The following GMEB2 variants were observed in gnomAD, a reference collection of about 807,000 sequenced individuals.
GMEB2 encodes glucocorticoid modulatory element-binding protein 2.
Under a neutral mutation model 45.7 loss-of-function variants are expected in GMEB2, and 7 were observed. That is an observed-to-expected ratio of 0.15 (90% CI 0.09 to 0.29). The LOEUF is 0.29. GMEB2 is among the 10% of genes least tolerant of loss of function. GMEB2 has a pLI of 1.00. For missense variants in GMEB2, 582 were observed against 739.2 expected (o/e 0.79, Z 2.47); for synonymous variants, 322 against 323.6 (o/e 1.00, Z 0.05).
intron 2 of GMEB2, among the ~76,000 whole-genome samples, chr20:63,609,783 C>G (rs1430924728): frequency 1.1e-5 from 1 of 92,334 alleles, no homozygotes; most frequent in African/African-American, 3.9e-5. Context: ...ACATGCCCCT[C>G]TGACCCCACC....
At position 63,590,056 on chromosome 20, in the gene GMEB2, C is replaced by G. The variant is rs748669759; in HGVS notation, c.*33G>C. Reference sequence around the variant, plus strand: ...TGCCGCGGCTGAGAGACAGCCAGCCCTGTCCGTCCCAGGGGCCTCGCCCTC... The same window carrying G: ...TGCCGCGGCTGAGAGACAGCCAGCCGTGTCCGTCCCAGGGGCCTCGCCCTC... On this transcript the variant is annotated 3_prime_UTR_variant, in exon 10 of 10. Coordinates refer to ENST00000370077, the MANE Select transcript of GMEB2 (RefSeq NM_012384.5). 3 of 1,489,418 alleles carry G rather than the reference C, an allele frequency of 2.0e-6. No individual in the cohort carries two copies. The South Asian group carries it at 4.1e-5, about 20-fold the overall frequency. 92.3% of individuals were successfully genotyped at this position (1,489,418 alleles called of 1,614,324 possible). A position where few individuals can be genotyped will look rare whatever the true frequency, so the allele number is the denominator to read the frequency against.
intron 2 of GMEB2, among the ~76,000 whole-genome samples, chr20:63,614,959 C>T (rs556954688): frequency 1.1e-4 from 17 of 152,226 alleles, no homozygotes; most frequent in African/African-American, 3.6e-4. Flanking sequence ...CCAGTCTCCG[C>T]GTCTTGGTGG....
chr20:63,600,201 C>G (rs1024766377), intron 4 of GMEB2, among the ~76,000 whole-genome samples: 1 of 151,852 alleles, frequency 6.6e-6, no homozygotes, highest in East Asian at 2.0e-4. Flanking sequence ...TGCCACCATG[C>G]CTGGCCAATT....
intron 1 of GMEB2, among the ~76,000 whole-genome samples, chr20:63,624,143 G>A (rs2089655386): frequency 1.3e-5 from 2 of 151,438 alleles, no homozygotes; most frequent in Admixed American, 6.6e-5. Context: ...TTGGCCAGGC[G>A]TGGTGGCTCA....
chr20:63,611,291 G>A (rs944079029), intron 2 of GMEB2, among the ~76,000 whole-genome samples: 1 of 152,216 alleles, frequency 6.6e-6, no homozygotes, highest in Non-Finnish European at 1.5e-5. Flanking sequence ...GGAAACCTTG[G>A]CAGGACCTTA....
At position 63,619,479 on chromosome 20, in the gene GMEB2, G is replaced by A; in HGVS notation, c.-57-25C>T. On this transcript the variant is annotated intron_variant, in intron 1 of 9. Transcript: ENST00000370077. The surrounding 1 kb of genome is among the most constrained non-coding windows in gnomAD (Gnocchi z 4.6). Reference sequence around the variant, plus strand: ...CCTGGAGGAAGCAAGGCAGGGCACAGGGATGGAGTCATCTCCACATCCACA... The same window carrying A: ...CCTGGAGGAAGCAAGGCAGGGCACAAGGATGGAGTCATCTCCACATCCACA... 7.1e-7 allele frequency: 1 copy of A among 1,416,532 alleles called. No homozygotes were observed. The highest frequency in any genetic ancestry group is 1.2e-5 in the South Asian group (1 of 80,312). The allele number at this position is 1,416,532 out of a possible 1,614,324, so 87.7% of individuals were successfully genotyped here. A position where few individuals can be genotyped will look rare whatever the true frequency, so the allele number is the denominator to read the frequency against.
intron 4 of GMEB2, among the ~76,000 whole-genome samples, chr20:63,600,135 C>T (rs1386287484): frequency 1.3e-5 from 2 of 151,966 alleles, no homozygotes; most frequent in Admixed American, 6.6e-5. Flanking sequence ...CTCCGCCTCC[C>T]GGGTTCAAGA....
chr20:63,589,540 C>T lies in GMEB2; in HGVS notation c.*549G>A, dbSNP rs1184549708. On this transcript the variant is annotated 3_prime_UTR_variant, in exon 10 of 10. Coordinates refer to ENST00000370077, the MANE Select transcript of GMEB2 (RefSeq NM_012384.5). The stretch of plus-strand genomic sequence containing the variant: ...GTGCATGTTCCCAACTGGAGGAGAA[C>T]GGGGCGCCAGCCACACTAAACCTAC... 4.0e-5 allele frequency: 9 copies of T among 222,480 alleles called. No individual in the cohort carries two copies. The highest frequency in any genetic ancestry group is 6.1e-5 in the Non-Finnish European group (7 of 114,556). 13.8% of individuals were successfully genotyped at this position (222,480 alleles called of 1,614,324 possible). A position where few individuals can be genotyped will look rare whatever the true frequency, so the allele number is the denominator to read the frequency against.
intron 1 of GMEB2, among the ~76,000 whole-genome samples, chr20:63,625,603 CTTT>C (rs999133861): frequency 4.2e-5 from 6 of 143,718 alleles, no homozygotes; most frequent in Non-Finnish European, 7.7e-5. Context: ...TTTTATTTTA[CTTT>C]TTTTTTTTTG....
At chr20:63,601,182 T>C (rs921370844) in intron 4 of GMEB2, among the ~76,000 whole-genome samples, 3 of 152,192 alleles carry the variant, frequency 2.0e-5, no homozygotes, top group South Asian at 2.1e-4. Context: ...TAGATTTTAT[T>C]TTACTCGAGT....
chr20:63,604,607 C>T, intron 3 of GMEB2, 136 bp downstream of exon 3: 1 of 654,870 alleles, frequency 1.5e-6, no homozygotes, highest in Non-Finnish European at 2.8e-6. Flanking sequence ...GCCTCTCACT[C>T]CTAAGGGCAC....
Position 63,589,218 on chromosome 20 carries a change from C to CCGGCTCAGGGACAGG in GMEB2, c.*856_*870dup, listed in dbSNP as rs2083120719. The CCGGCTCAGGGACAGG allele has an allele frequency of 2.5e-6, 1 of 399,212 alleles. No homozygotes were observed. The highest frequency in any genetic ancestry group is 1.3e-4 in the South Asian group (1 of 7,804). The allele number at this position is 399,212 out of a possible 1,614,324, so 24.7% of individuals were successfully genotyped here. A position where few individuals can be genotyped will look rare whatever the true frequency, so the allele number is the denominator to read the frequency against. ...ATGGATCTCAGACCCCTGGGAGGGG[C>CCGGCTCAGGGACAGG]CGGCTCAGGGACAGGCTGCCCAGGA... On this transcript the variant is annotated 3_prime_UTR_variant, in exon 10 of 10. Transcript: ENST00000370077.
In GMEB2 at chr20:63,593,032, C is replaced by T. The variant is rs1207574542; in HGVS notation, c.670G>A (p.Asp224Asn). The change falls in exon 7 of 10, where the codon GAC becomes AAC. Residue 224 changes from aspartate (D) to asparagine (N), a missense_variant. Physicochemically the swap from Asp to Asn is conservative, Grantham distance 23. Coordinates refer to ENST00000370077, the MANE Select transcript of GMEB2 (RefSeq NM_012384.5). This position sits in a 1 kb window ranked among gnomAD's most constrained non-coding sequence, Gnocchi z 4.7. ...ITIETCEDPGDWTAAIGDDTF... is the reference protein window; with the variant it reads ...ITIETCEDPGNWTAAIGDDTF... ...GTACCTCCAATGGCCGCGGTCCAGT[C>T]GCCAGGGTCTTCACAGGTCTCTATG... is the stretch of plus-strand genomic sequence containing the variant. The T allele has an allele frequency of 3.1e-6, 5 of 1,611,638 alleles. No homozygotes were observed. Among genetic ancestry groups the T allele is most frequent in the Admixed American group, 1.7e-5 (1 of 59,876 alleles).
Position 63,616,454 on chromosome 20 carries a change from T to C in GMEB2, c.131+2813A>G, listed in dbSNP as rs544422191. Among the ~76,000 whole-genome samples the C allele has an allele frequency of 2.2e-4, 34 of 151,844 alleles. 1 individual carries two copies. In the Middle Eastern group the frequency reaches 0.01, roughly 46 times the overall value. ...AGCGAGACTCCAACTCAAAAAAAAATAAAAATAACACACACGTGAATAGGC... is the reference window on the plus strand; with the variant it reads ...AGCGAGACTCCAACTCAAAAAAAAACAAAAATAACACACACGTGAATAGGC... On this transcript the variant is annotated intron_variant, in intron 2 of 9. Coordinates refer to ENST00000370077, the MANE Select transcript of GMEB2 (RefSeq NM_012384.5).
intron 2 of GMEB2, among the ~76,000 whole-genome samples, chr20:63,609,566 T>C (rs1157340179): frequency 1.2e-4 from 2 of 16,366 alleles, no homozygotes; most frequent in Admixed American, 3.8e-4. Context: ...CCTCCATTTC[T>C]AGAAACATGC....
At chr20:63,599,447 T>G (rs1440537578) in intron 4 of GMEB2, among the ~76,000 whole-genome samples, 1 of 152,250 alleles carries the variant, frequency 6.6e-6, no homozygotes, top group African/African-American at 2.4e-5. Context: ...CATCATGATC[T>G]GCTGGTGGCA....
intron 2 of GMEB2, among the ~76,000 whole-genome samples, chr20:63,610,678 G>T (rs964676931): frequency 6.6e-6 from 1 of 152,238 alleles, no homozygotes; most frequent in Admixed American, 6.5e-5. Flanking sequence ...TCTTCTCAGA[G>T]AAGAAGGCGC....
In GMEB2 at chr20:63,590,186, G is replaced by A. The variant is rs1453764029; in HGVS notation, c.1496C>T (p.Thr499Ile). Reference sequence around the variant, plus strand: ...AGCCCCTGCGGGCACTGTCACAATTGTGCTGGAGCCAGGCGAGGCCTGGGC... The same window carrying A: ...AGCCCCTGCGGGCACTGTCACAATTATGCTGGAGCCAGGCGAGGCCTGGGC... ...NVAQASPGSS[T>I]IVTVPAGAAP... The change falls in exon 10 of 10, where the codon ACA (threonine) becomes ATA (isoleucine). Residue 499 changes from threonine (T) to isoleucine (I), a missense_variant. Physicochemically the swap from Thr to Ile is moderately conservative, Grantham distance 89. Transcript: ENST00000370077. 6.2e-7 allele frequency: 1 copy of A among 1,604,522 alleles called. No homozygotes were observed. The highest frequency in any genetic ancestry group is 1.7e-5 in the Admixed American group (1 of 59,448).
At chr20:63,609,041 A>C (rs1238832915) in intron 2 of GMEB2, among the ~76,000 whole-genome samples, 1 of 68,910 alleles carries the variant, frequency 1.5e-5, no homozygotes, top group African/African-American at 7.0e-5. Flanking sequence ...TCTGACCCAC[A>C]CCTCCATTTC....
Sources: allele counts gnomAD v4.1 joint callset (sites outside exome capture counted in the v4.1 genomes callset), GRCh38; gene constraint gnomAD v4.1.1; non-coding constraint Gnocchi (gnomAD v3.1); transcripts MANE v1.5; gene names NCBI Gene and HGNC (gene_info 2026-07-23, HGNC 2026-07-21).